Variants in DISP1 observed in about 807,000 individuals in gnomAD.
The protein encoded by DISP1 is dispatched RND transporter family member 1.
A neutral mutation model predicts 37.3 loss-of-function variants in DISP1; 30 were observed. The observed-to-expected ratio is 0.80, with a 90% CI of 0.60 to 1.09. The LOEUF is 1.09. Ranked by LOEUF, DISP1 falls within the 50% of genes least tolerant of loss-of-function variation. The pLI is 0.00. For missense variants in DISP1, 1,598 were observed against 1,879.5 expected (o/e 0.85, Z 2.77); for synonymous variants, 634 against 690.2 (o/e 0.92, Z 1.28).
At chr1:222,819,610 G>A (rs535446268) in intron 1 of DISP1, among the ~76,000 whole-genome samples, 1 of 145,532 alleles carries the variant, frequency 6.9e-6, no homozygotes, top group South Asian at 2.1e-4. Flanking sequence ...CACGATCTCA[G>A]CTCACTGCAA....
intron 2 of DISP1, among the ~76,000 whole-genome samples, chr1:222,931,039 C>A (rs1262450678): frequency 1.3e-5 from 2 of 151,954 alleles, no homozygotes; most frequent in African/African-American, 4.8e-5. Flanking sequence ...GCTTCTCAAA[C>A]TTCACAAAAC....
chr1:222,826,039 CTGTAGGTG>C (rs1664296106), intron 1 of DISP1, among the ~76,000 whole-genome samples: 3 of 152,278 alleles, frequency 2.0e-5, no homozygotes, highest in Non-Finnish European at 2.9e-5. Flanking sequence ...GTTTCTGGGA[CTGTAGGTG>C]TGTACCACCA....
intron 1 of DISP1, among the ~76,000 whole-genome samples, chr1:222,840,364 C>A (rs1206117950): frequency 6.6e-6 from 1 of 151,964 alleles, no homozygotes; most frequent in African/African-American, 2.4e-5. Flanking sequence ...GCCTTAGCCT[C>A]CCAAGTAGCT....
In DISP1 at chr1:222,874,287, C is replaced by T. The variant is rs572419500; in HGVS notation, c.-158-54143C>T. On this transcript the variant is annotated intron_variant, in intron 1 of 8. Transcript: ENST00000675850. The stretch of plus-strand genomic sequence containing the variant: ...CTCTTCTCGAGGAGTATCTTTGTGG[C>T]GTTCTCTGTATTTCCTGAATTTGAA... 3.1e-3 allele frequency among the ~76,000 whole-genome samples: 465 copies of T among 150,902 alleles called. 2 individuals are homozygous for T. The highest frequency in any genetic ancestry group is 0.011 in the African/African-American group (445 of 41,128).
At chr1:222,905,382 C>T (rs1169338142) in intron 1 of DISP1, among the ~76,000 whole-genome samples, 5 of 152,012 alleles carry the variant, frequency 3.3e-5, no homozygotes, top group Non-Finnish European at 7.4e-5. Context: ...TGTAATGAGC[C>T]TCATTTTCAA....
chr1:222,871,526 C>A (rs1038800585), intron 1 of DISP1, among the ~76,000 whole-genome samples: 1 of 152,132 alleles, frequency 6.6e-6, no homozygotes. Context: ...AAGTTGGATT[C>A]CTAGGTATTT....
chr1:222,831,783 G>A (rs1278580014), intron 1 of DISP1, among the ~76,000 whole-genome samples: 1 of 152,142 alleles, frequency 6.6e-6, no homozygotes, highest in African/African-American at 2.4e-5. Context: ...TGAGGGACCA[G>A]TTTGGTTATA....
chr1:222,952,496 G>A (rs1675296695), intron 3 of DISP1, among the ~76,000 whole-genome samples: 1 of 152,124 alleles, frequency 6.6e-6, no homozygotes, highest in Admixed American at 6.5e-5. Context: ...ATTCTACTTA[G>A]TATTTGCTTG....
At chr1:222,998,094 T>G (rs1236333017) in intron 8 of DISP1, among the ~76,000 whole-genome samples, 2 of 152,028 alleles carry the variant, frequency 1.3e-5, no homozygotes, top group Admixed American at 1.3e-4. Flanking sequence ...ATATCTTAAG[T>G]AATAACTATT....
In DISP1 at chr1:222,936,993, A is replaced by G. The variant is rs1160238183; in HGVS notation, c.-17-5814A>G. On this transcript the variant is annotated intron_variant, in intron 2 of 8. Coordinates refer to ENST00000675850, the MANE Select transcript of DISP1 (RefSeq NM_001377229.1). ...AATAATATTTTATAATATATATAAT[A>G]TTATATAATATAGAATATTATATAT... 1.1e-4 allele frequency among the ~76,000 whole-genome samples: 10 copies of G among 91,106 alleles called. No homozygotes were observed. In the Admixed American group the frequency reaches 1.5e-3, roughly 14 times the overall value. 59.8% of individuals were successfully genotyped at this position (91,106 alleles called of 152,430 possible). A position where few individuals can be genotyped will look rare whatever the true frequency, so the allele number is the denominator to read the frequency against.
At position 222,936,830 on chromosome 1, in the gene DISP1, A is replaced by ATGATATAT. The variant is rs1558340075; in HGVS notation, c.-17-5977_-17-5976insTGATATAT. Among the ~76,000 whole-genome samples the ATGATATAT allele has an allele frequency of 3.6e-3, 182 of 49,954 alleles. 6 individuals carry two copies. The highest frequency in any genetic ancestry group is 5.6e-3 in the Non-Finnish European group (159 of 28,382). The allele number at this position is 49,954 out of a possible 152,430, so 32.8% of individuals were successfully genotyped here. ...TATATAAATTATATATAATATATAT[A>ATGATATAT]AATTATATATATCATATATATGATA... On this transcript the variant is annotated intron_variant, in intron 2 of 8. Transcript: ENST00000675850.
At chr1:222,981,714 T>C (rs1677852561) in intron 3 of DISP1, among the ~76,000 whole-genome samples, 1 of 152,216 alleles carries the variant, frequency 6.6e-6, no homozygotes, top group African/African-American at 2.4e-5. Flanking sequence ...GTTCCAACTA[T>C]TGGAAGAGTA....
At chr1:222,871,425 A>G (rs1248156389) in intron 1 of DISP1, among the ~76,000 whole-genome samples, 1 of 152,208 alleles carries the variant, frequency 6.6e-6, no homozygotes, top group African/African-American at 2.4e-5. Flanking sequence ...ACCCATGAGC[A>G]TGGAATGTTC....
In DISP1 at chr1:222,820,413, G is replaced by A. The variant is rs191855998; in HGVS notation, c.-159+5335G>A. Among the ~76,000 whole-genome samples, 100 of 152,230 alleles carry A rather than the reference G, an allele frequency of 6.6e-4. 1 individual carries two copies. Among genetic ancestry groups the A allele is most frequent in the African/African-American group, 2.3e-3 (96 of 41,514 alleles). ...CAGGGGATATTTGAAAAGACCTTAA[G>A]GATAGGGAACACATGGACCAAGAGA... On this transcript the variant is annotated intron_variant, in intron 1 of 8. Transcript: ENST00000675850.
At chr1:222,995,128 G>T in intron 8 of DISP1, 146 bp downstream of exon 8, 1 of 673,970 alleles carries the variant, frequency 1.5e-6, no homozygotes, top group Non-Finnish European at 2.6e-6. Context: ...GGCCAGCTTT[G>T]CATTCTTTCA....
intron 1 of DISP1, among the ~76,000 whole-genome samples, chr1:222,858,237 T>G (rs1668657978): frequency 1.3e-5 from 2 of 152,146 alleles, no homozygotes; most frequent in African/African-American, 4.8e-5. Context: ...ATCTATAGTA[T>G]CTATACTAGC....
chr1:222,896,578 G>C (rs897751624), intron 1 of DISP1, among the ~76,000 whole-genome samples: 16 of 151,570 alleles, frequency 1.1e-4, no homozygotes, highest in African/African-American at 3.6e-4. Context: ...TTCAGCCTGG[G>C]TGACAGAGTG....
chr1:222,986,155 G>A (rs187479401), intron 4 of DISP1, among the ~76,000 whole-genome samples: 2 of 152,200 alleles, frequency 1.3e-5, no homozygotes, highest in South Asian at 2.1e-4. Flanking sequence ...GAGAGCAAAA[G>A]CCAGGCTATA....
chr1:222,886,133 A>G (rs1670586075), intron 1 of DISP1, among the ~76,000 whole-genome samples: 1 of 152,226 alleles, frequency 6.6e-6, no homozygotes, highest in Non-Finnish European at 1.5e-5. Flanking sequence ...TTTCAGCGAC[A>G]CGTTTCCAAC....
Sources: allele counts gnomAD v4.1 joint callset (sites outside exome capture counted in the v4.1 genomes callset), GRCh38; gene constraint gnomAD v4.1.1; transcripts MANE v1.5; gene names NCBI Gene and HGNC (gene_info 2026-07-23, HGNC 2026-07-21).